The following CERK variants were observed in gnomAD, a reference collection of about 807,000 sequenced individuals.
The protein encoded by CERK is acylsphingosine kinase.
Under a neutral mutation model 63.4 loss-of-function variants are expected in CERK, and 39 were observed. The observed-to-expected ratio is 0.61, with a 90% CI of 0.48 to 0.80. CERK has a LOEUF of 0.80. CERK is among the 30% of genes least tolerant of loss of function. The pLI is 0.00. For missense variants in CERK, 670 were observed against 714.1 expected (o/e 0.94, Z 0.70); for synonymous variants, 302 against 280.0 (o/e 1.08, Z -0.78).
rs2082703479 is a variant in CERK at position 46,686,745 on chromosome 22, A to G, written c.*389T>C. On this transcript the variant is annotated 3_prime_UTR_variant, in exon 13 of 13. Transcript: ENST00000216264. ...GAATAAGTCCTGCAAAGTGGATCAAAGTGACCCACTGCTACCTCAGGCCCA... is the reference window on the plus strand; with the variant it reads ...GAATAAGTCCTGCAAAGTGGATCAAGGTGACCCACTGCTACCTCAGGCCCA... 4.7e-6 allele frequency: 1 copy of G among 213,130 alleles called. No homozygotes were observed. Among genetic ancestry groups the G allele is most frequent in the Admixed American group, 5.2e-5 (1 of 19,206 alleles). The allele number at this position is 213,130 out of a possible 1,614,324, so 13.2% of individuals were successfully genotyped here. A position where few individuals can be genotyped will look rare whatever the true frequency, so the allele number is the denominator to read the frequency against.
In CERK at chr22:46,699,452, G is replaced by A. The variant is rs1464788910; in HGVS notation, c.804C>T (p.Ala268=). 1.2e-6 allele frequency: 2 copies of A among 1,614,114 alleles called. No individual in the cohort carries two copies. The highest frequency in any genetic ancestry group is 1.7e-6 in the Non-Finnish European group (2 of 1,179,998). The part of the protein sequence containing the change: ...ALHIVVGDSL[A]MDVSSVHHNS... ...TGTGGTGGACTGAGGACACATCCAT[G>A]GCCAGCGAGTCCCCTGTGGGAGAGA... The change falls in exon 8 of 13, where the codon GCC becomes GCT. Residue 268 remains alanine, a synonymous_variant. Transcript: ENST00000216264.
At chr22:46,693,539 G>C in intron 9 of CERK, 36 bp from the exon 10 acceptor site, 2 of 1,558,592 alleles carry the variant, frequency 1.3e-6, no homozygotes, top group Non-Finnish European at 1.8e-6. Context: ...TTTAAATATG[G>C]AGCTGCAGGT....
intron 3 of CERK, among the ~76,000 whole-genome samples, chr22:46,713,008 C>A (rs1436054571): frequency 2.0e-5 from 3 of 151,700 alleles, no homozygotes; most frequent in East Asian, 3.9e-4. Context: ...CCACGCCCGG[C>A]TAATTTTTTG....
intron 6 of CERK, among the ~76,000 whole-genome samples, chr22:46,707,403 C>A (rs2082818284): frequency 1.3e-5 from 2 of 152,184 alleles, no homozygotes; most frequent in Admixed American, 1.3e-4. Context: ...CTAGGTCCTG[C>A]CCTTGGTTCC....
intron 6 of CERK, among the ~76,000 whole-genome samples, chr22:46,704,062 C>A (rs1200809045): frequency 1.3e-5 from 2 of 152,258 alleles, no homozygotes; most frequent in Non-Finnish European, 1.5e-5. Context: ...CAATGCGCAC[C>A]CACCCTGGGA....
intron 12 of CERK, among the ~76,000 whole-genome samples, chr22:46,687,862 C>T (rs2082711032): frequency 1.3e-5 from 2 of 152,146 alleles, no homozygotes; most frequent in Non-Finnish European, 1.5e-5. Flanking sequence ...GATATCACAG[C>T]CTCCTCAGAC....
At chr22:46,734,064 A>T (rs2082959713) in intron 1 of CERK, among the ~76,000 whole-genome samples, 1 of 95,710 alleles carries the variant, frequency 1.0e-5, no homozygotes, top group African/African-American at 3.5e-5. Flanking sequence ...ATATACATAC[A>T]TACATATATA....
At position 46,684,797 on chromosome 22, in the gene CERK, C is replaced by A. The variant is rs552842154; in HGVS notation, c.*2337G>T. On this transcript the variant is annotated 3_prime_UTR_variant, in exon 13 of 13. Transcript: ENST00000216264. ...GCCCCGGAAATCAGAGCCTATCTAG[C>A]GGGAATGTCTGGGCAGTCACCCCCA... 2.0e-5 allele frequency: 3 copies of A among 152,156 alleles called. No individual in the cohort carries two copies. The highest frequency in any genetic ancestry group is 7.2e-5 in the African/African-American group (3 of 41,432). 9.4% of individuals were successfully genotyped at this position (152,156 alleles called of 1,614,324 possible). A position where few individuals can be genotyped will look rare whatever the true frequency, so the allele number is the denominator to read the frequency against.
At chr22:46,734,443 G>C (rs902754438) in intron 1 of CERK, among the ~76,000 whole-genome samples, 1 of 151,750 alleles carries the variant, frequency 6.6e-6, no homozygotes, top group Admixed American at 6.6e-5. Flanking sequence ...TAAAGCAGCC[G>C]GGCACAAAGA....
chr22:46,715,107 T>G (rs974173692), intron 3 of CERK, among the ~76,000 whole-genome samples: 1 of 152,124 alleles, frequency 6.6e-6, no homozygotes, highest in Non-Finnish European at 1.5e-5. Context: ...TAAAAGGAAA[T>G]TCTGTCTTAA....
Position 46,720,897 on chromosome 22 carries a change from A to T in CERK, c.256+5T>A. On this transcript the variant is annotated splice_donor_5th_base_variant and intron_variant, in intron 2 of 12. Coordinates refer to ENST00000216264, the MANE Select transcript of CERK (RefSeq NM_022766.6). ...AATGTGGGAGAAGACATTTAGGCTT[A>T]TCACCTGTAAAAGCGTAAGGCTTTT... The T allele has an allele frequency of 6.5e-7, 1 of 1,546,346 alleles. No homozygotes were observed. The highest frequency in any genetic ancestry group is 8.9e-7 in the Non-Finnish European group (1 of 1,118,376).
chr22:46,694,735 G>T (rs1272378604), intron 9 of CERK, among the ~76,000 whole-genome samples: 1 of 152,172 alleles, frequency 6.6e-6, no homozygotes, highest in African/African-American at 2.4e-5. Context: ...CATGGGTGAG[G>T]GTCTCAGCCA....
chr22:46,732,997 A>G (rs573792771), intron 1 of CERK, among the ~76,000 whole-genome samples: 8 of 152,092 alleles, frequency 5.3e-5, no homozygotes, highest in African/African-American at 1.7e-4. Flanking sequence ...TCACGAGGTC[A>G]GGAGATTGAG....
At chr22:46,711,011 C>T in intron 5 of CERK, 75 bp downstream of exon 5, 1 of 1,182,340 alleles carries the variant, frequency 8.5e-7, no homozygotes, top group Non-Finnish European at 1.3e-6. Flanking sequence ...GGAAAAGGAG[C>T]TCTCAAAACT....
intron 2 of CERK, among the ~76,000 whole-genome samples, chr22:46,720,524 G>A (rs555833004): frequency 1.4e-4 from 21 of 152,060 alleles, no homozygotes; most frequent in East Asian, 5.8e-4. Context: ...GTGAAACCCC[G>A]TCTTTACTTA....
At chr22:46,718,203 T>C (rs2082875415) in intron 3 of CERK, among the ~76,000 whole-genome samples, 1 of 151,976 alleles carries the variant, frequency 6.6e-6, no homozygotes, top group Non-Finnish European at 1.5e-5. Context: ...CTATATCAAA[T>C]GCACAATTAT....
chr22:46,698,742 A>C (rs866460965), intron 8 of CERK, among the ~76,000 whole-genome samples: 9,548 of 151,512 alleles, frequency 0.063, 980 homozygotes, highest in African/African-American at 0.22. Flanking sequence ...ATATACAAAA[A>C]AAAAAAAAAT....
At chr22:46,690,283 CGA>C in intron 11 of CERK, 83 bp from the exon 12 acceptor site, 1 of 1,099,764 alleles carries the variant, frequency 9.1e-7, no homozygotes, top group South Asian at 1.4e-5. Context: ...GGCCTGACAG[CGA>C]GCGCTGTCAG....
At chr22:46,722,264 A>G (rs16995650) in intron 1 of CERK, among the ~76,000 whole-genome samples, 1 of 152,180 alleles carries the variant, frequency 6.6e-6, no homozygotes, top group Non-Finnish European at 1.5e-5. Flanking sequence ...GTTGTGGCCC[A>G]TGGAAATCAA....
Sources: gnomAD v4.1 joint callset for allele counts (sites outside exome capture counted in the v4.1 genomes callset) on GRCh38, gnomAD v4.1.1 for gene constraint, MANE v1.5 for transcripts, NCBI Gene and HGNC (gene_info 2026-07-23, HGNC 2026-07-21) for gene names.